Variants in GRK4 observed in about 807,000 individuals in gnomAD.
GRK4 encodes the protein G protein-coupled receptor kinase 4, also known as G protein-coupled receptor kinase 2-like.
Under a neutral mutation model 77.9 loss-of-function variants are expected in GRK4, and 73 were observed. The observed-to-expected ratio is 0.94, with a 90% CI of 0.78 to 1.14. GRK4 has a LOEUF of 1.14. GRK4 is among the 50% of genes most tolerant of loss of function. The probability of loss-of-function intolerance (pLI) is 0.00; values close to 1 mark genes in which losing one functional copy is unlikely to be tolerated. For missense variants in GRK4, 729 were observed against 700.2 expected (o/e 1.04, Z -0.46); for synonymous variants, 257 against 254.4 (o/e 1.01, Z -0.10).
intron 1 of GRK4, 65 bp downstream of exon 1, chr4:2,964,187 C>A (rs10030130): frequency 0.36 from 467,645 of 1,289,908 alleles, 83,706 homozygotes; most frequent in African/African-American, 0.48. Context: ...GGAACCCTGG[C>A]CCCCCTGAAG....
chr4:2,997,713 G>T (rs1244218911), intron 4 of GRK4, among the ~76,000 whole-genome samples: 1 of 152,018 alleles, frequency 6.6e-6, no homozygotes, highest in Non-Finnish European at 1.5e-5. Context: ...TTTGAGGCCA[G>T]CCTGGCCAGC....
intron 9 of GRK4, among the ~76,000 whole-genome samples, chr4:3,022,195 C>A (rs1736273649): frequency 6.6e-6 from 1 of 152,222 alleles, no homozygotes; most frequent in South Asian, 2.1e-4. Context: ...ATCTGTATAA[C>A]TATGCAAAGA....
chr4:3,039,430 G>C (rs924319863), intron 15 of GRK4, among the ~76,000 whole-genome samples: 1 of 152,034 alleles, frequency 6.6e-6, no homozygotes. Context: ...AGGCGTGGTG[G>C]CTCACGCCTG....
rs546431906 is a variant in GRK4 at position 2,963,813 on chromosome 4, G to T, written c.-258G>T. ...GGGCGATAGCGCGGCAGCGGTGACA[G>T]CTGGGACCCGCCGCGGTCGGGCTGC... On this transcript the variant is annotated 5_prime_UTR_variant, in exon 1 of 16. Transcript: ENST00000398052. 2.6e-5 allele frequency: 14 copies of T among 547,132 alleles called. No individual in the cohort carries two copies. The highest frequency in any genetic ancestry group is 3.8e-5 in the Non-Finnish European group (12 of 312,768). 33.9% of individuals were successfully genotyped at this position (547,132 alleles called of 1,614,324 possible). A position where few individuals can be genotyped will look rare whatever the true frequency, so the allele number is the denominator to read the frequency against.
intron 1 of GRK4, among the ~76,000 whole-genome samples, chr4:2,972,745 T>G (rs1159822906): frequency 6.6e-6 from 1 of 151,912 alleles, no homozygotes; most frequent in African/African-American, 2.4e-5. Context: ...TTAAAAAAAT[T>G]TTTTTTTGAG....
intron 4 of GRK4, among the ~76,000 whole-genome samples, chr4:3,000,719 T>C (rs762603070): frequency 6.6e-6 from 1 of 151,852 alleles, no homozygotes; most frequent in Non-Finnish European, 1.5e-5. Context: ...CACGTGCCAT[T>C]ATGCCCAGCT....
intron 4 of GRK4, among the ~76,000 whole-genome samples, chr4:2,998,077 A>G (rs2515935): frequency 0.4 from 60,079 of 151,984 alleles, 12,854 homozygotes; most frequent in African/African-American, 0.55. Flanking sequence ...AAAGGTATTC[A>G]CCAGGCGCAG....
At chr4:2,989,320 G>A (rs1418531108) in intron 3 of GRK4, among the ~76,000 whole-genome samples, 1 of 152,236 alleles carries the variant, frequency 6.6e-6, no homozygotes, top group Non-Finnish European at 1.5e-5. Flanking sequence ...TACGTCTCAA[G>A]TGTTGGAGAA....
intron 10 of GRK4, among the ~76,000 whole-genome samples, chr4:3,025,586 G>T (rs1375583360): frequency 6.6e-6 from 1 of 151,386 alleles, no homozygotes; most frequent in East Asian, 2.0e-4. Context: ...TAGAGACGGG[G>T]TTTCACCGTG....
chr4:2,987,311 T>TA (rs770686326), intron 2 of GRK4, among the ~76,000 whole-genome samples: 7 of 152,370 alleles, frequency 4.6e-5, no homozygotes, highest in Non-Finnish European at 7.3e-5. Flanking sequence ...TATATGGATA[T>TA]ATCACATTTT....
At chr4:3,035,859 T>C (rs1207978226) in intron 13 of GRK4, among the ~76,000 whole-genome samples, 1 of 152,166 alleles carries the variant, frequency 6.6e-6, no homozygotes, top group African/African-American at 2.4e-5. Flanking sequence ...CCAGTGTGCT[T>C]TGGCCACTCA....
chr4:3,035,176 C>G (rs1302261182), intron 12 of GRK4, among the ~76,000 whole-genome samples: 2 of 151,828 alleles, frequency 1.3e-5, no homozygotes, highest in Non-Finnish European at 2.9e-5. Context: ...ACCCGGGAGG[C>G]TGAGCTTGCA....
At position 2,976,508 on chromosome 4, in the gene GRK4, A is replaced by G. The variant is rs896493370; in HGVS notation, c.53-8005A>G. Among the ~76,000 whole-genome samples, 6 of 151,890 alleles carry G rather than the reference A, an allele frequency of 4.0e-5. No individual in the cohort carries two copies. The South Asian group carries it at 1.0e-3, about 26-fold the overall frequency. On this transcript the variant is annotated intron_variant, in intron 1 of 15. Coordinates refer to ENST00000398052, the MANE Select transcript of GRK4 (RefSeq NM_182982.3). ...GCAAATAAAAGCCAACTAGATTCCA[A>G]TTTGAAATTTGATGTAATTTTGTCC...
chr4:3,000,219 C>G (rs1462158784), intron 4 of GRK4, among the ~76,000 whole-genome samples: 2 of 152,178 alleles, frequency 1.3e-5, no homozygotes, highest in African/African-American at 2.4e-5. Flanking sequence ...TGCCATACTT[C>G]AGGTCACCTT....
At chr4:3,019,226 T>C (rs1232628700) in intron 8 of GRK4, among the ~76,000 whole-genome samples, 1 of 152,216 alleles carries the variant, frequency 6.6e-6, no homozygotes, top group Non-Finnish European at 1.5e-5. Context: ...ACTAAAAAGA[T>C]TGACAGCACA....
At chr4:2,965,389 G>A in intron 1 of GRK4, 1 of 703,064 alleles carries the variant, frequency 1.4e-6, no homozygotes, top group South Asian at 1.5e-5. Flanking sequence ...CGGACCTCAA[G>A]TCCCTGTGCT....
chr4:2,988,906 C>T (rs1725264859), intron 3 of GRK4, 67 bp downstream of exon 3: 2 of 1,008,154 alleles, frequency 2.0e-6, no homozygotes, highest in Non-Finnish European at 1.6e-6. Context: ...AAAAACTTGG[C>T]CAGGCGCAGT....
rs1470065619 is a variant in GRK4, at chr4:3,001,222, TATATATGTGTATGTGTATATATATAC to T, written c.340-3000_340-2975del. On this transcript the variant is annotated intron_variant, in intron 4 of 15. Coordinates refer to ENST00000398052, the MANE Select transcript of GRK4 (RefSeq NM_182982.3). Reference sequence around the variant, plus strand: ...ATATATGTGTATGTGTATATATATGTATATATGTGTATGTGTATATATATACATATATGTATATATATGTGTGTATG... The same window carrying T: ...ATATATGTGTATGTGTATATATATGTATATATGTATATATATGTGTGTATG... Among the ~76,000 whole-genome samples the T allele has an allele frequency of 4.2e-5, 6 of 144,360 alleles. 1 individual carries two copies. The highest frequency in any genetic ancestry group is 2.1e-4 in the South Asian group (1 of 4,682). The allele number at this position is 144,360 out of a possible 152,430, so 94.7% of individuals were successfully genotyped here.
In GRK4 at chr4:3,027,792, A is replaced by C. The variant is rs1033074888; in HGVS notation, c.971-120A>C. 7.8e-5 allele frequency: 57 copies of C among 728,180 alleles called. 3 individuals are homozygous for C. In the South Asian group the frequency reaches 9.5e-4, roughly 12 times the overall value. 45.1% of individuals were successfully genotyped at this position (728,180 alleles called of 1,614,324 possible). ...TGCCATTTTACGTTTACTGTTCCAG[A>C]GTATGAAATGCTATTATTTCCAGCC... On this transcript the variant is annotated intron_variant, in intron 10 of 15. Transcript: ENST00000398052.
Sources: gnomAD v4.1 joint callset for allele counts (sites outside exome capture counted in the v4.1 genomes callset) on GRCh38, gnomAD v4.1.1 for gene constraint, MANE v1.5 for transcripts, NCBI Gene and HGNC (gene_info 2026-07-23, HGNC 2026-07-21) for gene names.